Variants in DIS3L2 observed in about 807,000 individuals in gnomAD.
DIS3L2 encodes DIS3-like exonuclease 2.
Under a neutral mutation model 97.5 loss-of-function variants are expected in DIS3L2, and 34 were observed. That is an observed-to-expected ratio of 0.35 (90% CI 0.27 to 0.46). The LOEUF is 0.46. DIS3L2 is among the 20% of genes least tolerant of loss of function. The pLI is 1.00. For missense variants in DIS3L2, 1,038 were observed against 1,146.0 expected, an observed-to-expected ratio of 0.91 and a Z score of 1.36; for synonymous variants, 435 against 445.2, an observed-to-expected ratio of 0.98 and a Z score of 0.29.
At chr2:232,086,259 G>A (rs917393420) in intron 5 of DIS3L2, among the ~76,000 whole-genome samples, 3 of 146,954 alleles carry the variant, frequency 2.0e-5, no homozygotes, top group Non-Finnish European at 4.5e-5. Flanking sequence ...ACGTATAGAC[G>A]TGTATACGTG....
Position 232,263,451 on chromosome 2 carries a change from G to T in DIS3L2, c.1659+11G>T, listed in dbSNP as rs768909060. On this transcript the variant is annotated intron_variant, in intron 13 of 20. Transcript: ENST00000325385. ...CTTCGTTTGGATCAGGTCAGTACGT[G>T]TTTTTTTAGTGTAGCCAACAGATTT... The T allele has an allele frequency of 6.8e-6, 11 of 1,613,750 alleles. No individual in the cohort carries two copies. Among genetic ancestry groups the T allele is most frequent in the Admixed American group, 6.7e-5 (4 of 59,990 alleles).
chr2:232,294,419 C>G (rs1007230442), intron 13 of DIS3L2, among the ~76,000 whole-genome samples: 9 of 152,196 alleles, frequency 5.9e-5, no homozygotes, highest in African/African-American at 1.9e-4. Context: ...ATTCATTCAT[C>G]TTTTGAACCT....
chr2:232,299,940 G>T, intron 13 of DIS3L2, 100 bp from the exon 14 acceptor site: 1 of 1,194,156 alleles, frequency 8.4e-7, no homozygotes, highest in Non-Finnish European at 1.2e-6. Context: ...ATTGACTTGA[G>T]GGAGTGTGAC....
At chr2:232,100,183 C>T in intron 6 of DIS3L2, among the ~76,000 whole-genome samples, 1 of 143,904 alleles carries the variant, frequency 6.9e-6, no homozygotes, top group Non-Finnish European at 1.5e-5. Context: ...GCCACCATGC[C>T]CTGCTAATAT....
intron 12 of DIS3L2, among the ~76,000 whole-genome samples, chr2:232,257,840 A>G (rs754299249): frequency 3.2e-4 from 49 of 152,240 alleles, no homozygotes; most frequent in Non-Finnish European, 6.2e-4. Flanking sequence ...ATTTTACTTC[A>G]TCATCTGCCT....
At chr2:232,121,495 A>T (rs1433065550) in intron 6 of DIS3L2, among the ~76,000 whole-genome samples, 3 of 152,120 alleles carry the variant, frequency 2.0e-5, no homozygotes, top group Admixed American at 2.0e-4. Context: ...TCCAGCCCAG[A>T]CCTTCCTTTC....
At chr2:232,187,676 C>T (rs983787233) in intron 9 of DIS3L2, among the ~76,000 whole-genome samples, 3 of 151,934 alleles carry the variant, frequency 2.0e-5, no homozygotes, top group South Asian at 4.2e-4. Context: ...CTCTTGACCT[C>T]GTGATCTGCC....
At chr2:231,974,799 C>A (rs1162697234) in intron 1 of DIS3L2, among the ~76,000 whole-genome samples, 1 of 152,024 alleles carries the variant, frequency 6.6e-6, no homozygotes, top group Non-Finnish European at 1.5e-5. Context: ...GTATTATAAT[C>A]TTCTGATCTC....
rs1694663839 is a variant in DIS3L2 at position 232,293,972 on chromosome 2, G to GTA, written c.1660-6068_1660-6067insTA. Among the ~76,000 whole-genome samples, 1 of 152,318 alleles carries GTA rather than the reference G, an allele frequency of 6.6e-6. No individual in the cohort carries two copies. Among genetic ancestry groups the GTA allele is most frequent in the South Asian group, 2.1e-4 (1 of 4,828 alleles). ...ATTACACAAGGGCAGTAGAGGGCCC[G>GTA]GAGGTGGCAGGGACCAGGCCTGCCT... On this transcript the variant is annotated intron_variant, in intron 13 of 20. Coordinates refer to ENST00000325385, the MANE Select transcript of DIS3L2 (RefSeq NM_152383.5). This position sits in a 1 kb window ranked among gnomAD's most constrained non-coding sequence, Gnocchi z 4.6.
chr2:232,114,804 T>A (rs1239941145), intron 6 of DIS3L2, among the ~76,000 whole-genome samples: 1 of 152,168 alleles, frequency 6.6e-6, no homozygotes, highest in Non-Finnish European at 1.5e-5. Flanking sequence ...TCTGGAAGTG[T>A]CTTAGTCTGT....
chr2:232,336,048 T>G, intron 20 of DIS3L2, 174 bp downstream of exon 20: 2 of 1,528,942 alleles, frequency 1.3e-6, no homozygotes, highest in South Asian at 2.5e-5. Flanking sequence ...GGGTCCTGCT[T>G]TCTGGCACCA....
chr2:232,041,286 G>A (rs1024712890), intron 5 of DIS3L2, among the ~76,000 whole-genome samples: 5 of 152,168 alleles, frequency 3.3e-5, no homozygotes, highest in Non-Finnish European at 5.9e-5. Context: ...TGCCATTCCT[G>A]ACTCAATGGC....
chr2:232,184,064 G>A (rs1422698826), intron 9 of DIS3L2, among the ~76,000 whole-genome samples: 2 of 152,158 alleles, frequency 1.3e-5, no homozygotes, highest in Non-Finnish European at 2.9e-5. Context: ...CAGTGTCCTT[G>A]TTGATATTTA....
chr2:232,104,715 C>A (rs1697308152), intron 6 of DIS3L2, among the ~76,000 whole-genome samples: 1 of 152,188 alleles, frequency 6.6e-6, no homozygotes, highest in African/African-American at 2.4e-5. Context: ...GTTTTCAAGG[C>A]ACATATATGT....
At chr2:232,250,670 A>G (rs1693391951) in intron 12 of DIS3L2, among the ~76,000 whole-genome samples, 1 of 152,206 alleles carries the variant, frequency 6.6e-6, no homozygotes, top group Non-Finnish European at 1.5e-5. Flanking sequence ...TGTTCTCTAG[A>G]CAGGGTAAAG....
At chr2:232,116,425 C>T (rs1559645099) in intron 6 of DIS3L2, among the ~76,000 whole-genome samples, 3 of 152,034 alleles carry the variant, frequency 2.0e-5, no homozygotes, top group Non-Finnish European at 4.4e-5. Flanking sequence ...TGTTAGAGAC[C>T]CTTTCATGGT....
chr2:232,238,924 G>A (rs1399765599), intron 11 of DIS3L2, among the ~76,000 whole-genome samples: 1 of 152,174 alleles, frequency 6.6e-6, no homozygotes, highest in African/African-American at 2.4e-5. Context: ...TTTTTGTAAG[G>A]TTTTATTGGA....
chr2:232,282,692 A>T (rs376112452), intron 13 of DIS3L2, among the ~76,000 whole-genome samples: 1 of 152,118 alleles, frequency 6.6e-6, no homozygotes, highest in East Asian at 1.9e-4. Context: ...ACCTAATTCA[A>T]TCACACATCT....
intron 6 of DIS3L2, among the ~76,000 whole-genome samples, chr2:232,127,761 T>A (rs141623304): frequency 6.6e-6 from 1 of 152,182 alleles, no homozygotes; most frequent in Admixed American, 6.5e-5. Context: ...TGGTCCTTGA[T>A]TGTGTGAAGA....
Sources: gnomAD v4.1 joint callset for allele counts (sites outside exome capture counted in the v4.1 genomes callset) on GRCh38, gnomAD v4.1.1 for gene constraint, Gnocchi (gnomAD v3.1) non-coding constraint, MANE v1.5 for transcripts, NCBI Gene and HGNC (gene_info 2026-07-23, HGNC 2026-07-21) for gene names.